Variants in UNC13B observed in about 807,000 individuals in gnomAD.
UNC13B encodes the protein protein unc-13 homolog B.
In UNC13B, 144 loss-of-function variants were observed where a neutral mutation model predicts 211.0. The ratio of observed to expected loss-of-function variants is 0.68; its 90% confidence interval spans 0.60 to 0.78. UNC13B has a LOEUF of 0.78. UNC13B is among the 30% of genes least tolerant of loss of function. The probability of loss-of-function intolerance (pLI) is 0.00; values close to 1 mark genes in which losing one functional copy is unlikely to be tolerated. For synonymous variants in UNC13B, 709 were observed against 725.8 expected (o/e 0.98, Z 0.37); for missense variants, 1,777 against 2,002.0 (o/e 0.89, Z 2.14).
chr9:35,235,037 G>A (rs1159936864), intron 3 of UNC13B, among the ~76,000 whole-genome samples: 1 of 152,128 alleles, frequency 6.6e-6, no homozygotes, highest in Non-Finnish European at 1.5e-5. Flanking sequence ...GTTTCAATAA[G>A]AGCTTTCTGG....
Position 35,304,548 on chromosome 9 carries a change from G to A in UNC13B, c.5144G>A (p.Ser1715Asn), listed in dbSNP as rs1829838329. The A allele has an allele frequency of 2.5e-6, 1 of 398,570 alleles. No homozygotes were observed. Among genetic ancestry groups the A allele is most frequent in the Non-Finnish European group, 4.4e-6 (1 of 225,884 alleles). 24.7% of individuals were successfully genotyped at this position (398,570 alleles called of 1,614,324 possible). A position where few individuals can be genotyped will look rare whatever the true frequency, so the allele number is the denominator to read the frequency against. Residue 1715 changes from serine (S) to asparagine (N), a missense_variant, in exon 9 of 40, where the codon AGT (serine) becomes AAT (asparagine). Ser to Asn is a conservative substitution (Grantham distance 46, BLOSUM62 1). Transcript: ENST00000635942. ...LAEDSSVHLS[S>N]FHWLQSSVEE... The stretch of plus-strand genomic sequence containing the variant: ...GAAGATTCATCAGTTCACCTTTCCA[G>A]TTTCCATTGGCTTCAGTCTTCTGTT...
chr9:35,383,058 C>CT (rs1418585568), intron 21 of UNC13B, among the ~76,000 whole-genome samples: 1 of 152,182 alleles, frequency 6.6e-6, no homozygotes, highest in Non-Finnish European at 1.5e-5. Context: ...GCCAGAACCC[C>CT]TCTGGGCCAA....
chr9:35,210,529 A>AT (rs5897596), intron 1 of UNC13B, among the ~76,000 whole-genome samples: 144,616 of 148,516 alleles, frequency 0.97, 70,476 homozygotes, highest in East Asian at 1. Flanking sequence ...TAATAAACTT[A>AT]TTTTTTTTTT....
intron 1 of UNC13B, among the ~76,000 whole-genome samples, chr9:35,188,247 T>A (rs1055938949): frequency 3.3e-5 from 5 of 152,190 alleles, no homozygotes; most frequent in Admixed American, 3.3e-4. Flanking sequence ...GAACACCTGT[T>A]AAAGTCCTGT....
At chr9:35,218,393 G>A (rs1192353953) in intron 1 of UNC13B, among the ~76,000 whole-genome samples, 1 of 152,092 alleles carries the variant, frequency 6.6e-6, no homozygotes, top group Non-Finnish European at 1.5e-5. Context: ...GAAAAAGGAT[G>A]TGTGGGTGTC....
chr9:35,369,807 T>C (rs560292473), intron 12 of UNC13B, among the ~76,000 whole-genome samples: 1 of 152,332 alleles, frequency 6.6e-6, no homozygotes, highest in Non-Finnish European at 1.5e-5. Context: ...TAGACAGAAC[T>C]GGTGACTCTT....
chr9:35,270,228 T>A (rs763195433), intron 7 of UNC13B, among the ~76,000 whole-genome samples: 3 of 152,160 alleles, frequency 2.0e-5, no homozygotes, highest in Non-Finnish European at 2.9e-5. Context: ...GCTCTTTGGA[T>A]GGAACTAGGG....
chr9:35,190,286 T>C (rs565609017), intron 1 of UNC13B, among the ~76,000 whole-genome samples: 1 of 152,304 alleles, frequency 6.6e-6, no homozygotes, highest in South Asian at 2.1e-4. Context: ...CCATATCTTA[T>C]AGGTGGCCAA....
At chr9:35,167,855 G>A (rs1182328139) in intron 1 of UNC13B, among the ~76,000 whole-genome samples, 1 of 148,876 alleles carries the variant, frequency 6.7e-6, no homozygotes, top group Non-Finnish European at 1.5e-5. Context: ...TGCCCTCCTC[G>A]GCCCCCCAGA....
At chr9:35,258,674 A>G (rs1347034273) in intron 6 of UNC13B, among the ~76,000 whole-genome samples, 1 of 152,196 alleles carries the variant, frequency 6.6e-6, no homozygotes, top group Non-Finnish European at 1.5e-5. Context: ...GGGCTGTGAA[A>G]TATTCTAAGG....
At chr9:35,259,283 T>A (rs1233070789) in intron 7 of UNC13B, among the ~76,000 whole-genome samples, 1 of 152,150 alleles carries the variant, frequency 6.6e-6, no homozygotes, top group East Asian at 1.9e-4. Context: ...TTTCTACATT[T>A]GTTAGCTTCT....
chr9:35,329,114 C>G (rs1219431303), intron 11 of UNC13B, among the ~76,000 whole-genome samples: 1 of 152,004 alleles, frequency 6.6e-6, no homozygotes, highest in East Asian at 1.9e-4. Context: ...ATATCTGATA[C>G]CACTGAGTTC....
chr9:35,213,495 T>C (rs1270965819), intron 1 of UNC13B, among the ~76,000 whole-genome samples: 1 of 152,172 alleles, frequency 6.6e-6, no homozygotes, highest in African/African-American at 2.4e-5. Flanking sequence ...CTATGGTGTC[T>C]TATTAAGGCA....
chr9:35,270,762 C>T (rs922549130), intron 7 of UNC13B, among the ~76,000 whole-genome samples: 1 of 152,158 alleles, frequency 6.6e-6, no homozygotes, highest in African/African-American at 2.4e-5. Flanking sequence ...TCAAGGTTCA[C>T]ACATTGCATT....
rs538125171 is a variant in UNC13B at position 35,271,551 on chromosome 9, G to C, written c.526+12501G>C. 9.9e-5 allele frequency among the ~76,000 whole-genome samples: 15 copies of C among 152,260 alleles called. No individual in the cohort carries two copies. The South Asian group carries it at 3.1e-3, about 32-fold the overall frequency. On this transcript the variant is annotated intron_variant, in intron 7 of 39. Transcript: ENST00000635942. Reference sequence around the variant, plus strand: ...CTAAATGGTCAGAAGTTGAGCTAGAGGGATAAACTGGTCTGTTCCTTTTCC... The same window carrying C: ...CTAAATGGTCAGAAGTTGAGCTAGACGGATAAACTGGTCTGTTCCTTTTCC...
At chr9:35,209,185 C>G (rs1453357298) in intron 1 of UNC13B, among the ~76,000 whole-genome samples, 1 of 152,198 alleles carries the variant, frequency 6.6e-6, no homozygotes, top group African/African-American at 2.4e-5. Context: ...CTGCTTCAGC[C>G]TCCTGAGTAG....
chr9:35,199,744 T>A (rs1823168542), intron 1 of UNC13B, among the ~76,000 whole-genome samples: 1 of 152,214 alleles, frequency 6.6e-6, no homozygotes, highest in East Asian at 1.9e-4. Flanking sequence ...ATATTAGCCC[T>A]TTGTCAGATG....
At chr9:35,267,908 C>T (rs1331010640) in intron 7 of UNC13B, among the ~76,000 whole-genome samples, 1 of 152,132 alleles carries the variant, frequency 6.6e-6, no homozygotes, top group Non-Finnish European at 1.5e-5. Context: ...TGGGACTCAC[C>T]CACATTCCAC....
chr9:35,398,341 T>C lies in UNC13B; in HGVS notation c.11832+53T>C. On this transcript the variant is annotated intron_variant, in intron 31 of 39. Transcript: ENST00000635942. ...TATTTTCCCTTTATTCCTGAGCTCC[T>C]TGGCCATAGAACTCCACCCTCTCTT... 6 of 1,575,078 alleles carry C rather than the reference T, an allele frequency of 3.8e-6. No individual in the cohort carries two copies. In the South Asian group the frequency reaches 6.8e-5, roughly 18 times the overall value.
Sources: gnomAD v4.1 joint callset for allele counts (sites outside exome capture counted in the v4.1 genomes callset) on GRCh38, gnomAD v4.1.1 for gene constraint, MANE v1.5 for transcripts, NCBI Gene and HGNC (gene_info 2026-07-23, HGNC 2026-07-21) for gene names.